The following MYO3B variants were observed in gnomAD, a reference collection of about 807,000 sequenced individuals.
MYO3B encodes myosin-IIIb.
Under a neutral mutation model 174.6 loss-of-function variants are expected in MYO3B, and 156 were observed. That is an observed-to-expected ratio of 0.89 (90% CI 0.78 to 1.02). MYO3B has a LOEUF of 1.02. MYO3B is among the 50% of genes least tolerant of loss of function. MYO3B has a pLI of 0.00. For synonymous variants in MYO3B, 563 were observed against 569.1 expected (o/e 0.99, Z 0.15); for missense variants, 1,632 against 1,639.4 (o/e 1.00, Z 0.08).
At chr2:170,400,372 C>A in intron 17 of MYO3B, 58 bp downstream of exon 17, 6 of 1,518,174 alleles carry the variant, frequency 4.0e-6, no homozygotes, top group Non-Finnish European at 5.4e-6. Context: ...TCTTTAGGCT[C>A]TGTAAAATAT....
chr2:170,597,434 A>G (rs1034072786), intron 32 of MYO3B, among the ~76,000 whole-genome samples: 1 of 151,760 alleles, frequency 6.6e-6, no homozygotes, highest in African/African-American at 2.4e-5. Flanking sequence ...TCTTCAGCCA[A>G]CCAAGCAAGG....
chr2:170,556,678 C>T (rs143840045), intron 32 of MYO3B, among the ~76,000 whole-genome samples: 131 of 152,270 alleles, frequency 8.6e-4, no homozygotes, highest in African/African-American at 3.1e-3. Context: ...TGTGTCACCA[C>T]GTCTGGCTAA....
chr2:170,251,983 C>G lies in MYO3B; in HGVS notation c.749+15847C>G, dbSNP rs2093258348. Among the ~76,000 whole-genome samples the G allele has an allele frequency of 2.0e-5, 3 of 152,294 alleles. No homozygotes were observed. The South Asian group carries it at 6.2e-4, about 32-fold the overall frequency. ...CATACATTCTTACTCCTAAGTTCAA[C>G]TTTGAGACCAGGAGAAGTAAATATG... On this transcript the variant is annotated intron_variant, in intron 7 of 34. Transcript: ENST00000408978.
At chr2:170,296,761 G>A (rs1185780240) in intron 7 of MYO3B, among the ~76,000 whole-genome samples, 4 of 152,180 alleles carry the variant, frequency 2.6e-5, no homozygotes, top group Non-Finnish European at 5.9e-5. Flanking sequence ...TGTAAAGGAA[G>A]CATAGCAGCT....
intron 32 of MYO3B, among the ~76,000 whole-genome samples, chr2:170,569,710 A>C (rs1221162170): frequency 6.6e-6 from 1 of 151,852 alleles, no homozygotes; most frequent in South Asian, 2.1e-4. Flanking sequence ...AAAAATAAAA[A>C]AATTAGCCAG....
chr2:170,549,888 A>G (rs532724339), intron 32 of MYO3B, among the ~76,000 whole-genome samples: 11 of 152,354 alleles, frequency 7.2e-5, no homozygotes, highest in African/African-American at 2.6e-4. Flanking sequence ...CTTGCCAGAC[A>G]GCAATGCTAT....
Position 170,318,597 on chromosome 2 carries a change from T to A in MYO3B, c.750-16788T>A, listed in dbSNP as rs570183539. On this transcript the variant is annotated intron_variant, in intron 7 of 34. Coordinates refer to ENST00000408978, the MANE Select transcript of MYO3B (RefSeq NM_138995.5). ...AGCGAAATTTCCTTGTCTTGAAGAT[T>A]TTGGCCAAACTTGGGGTCAAATAAG... 5.3e-5 allele frequency among the ~76,000 whole-genome samples: 8 copies of A among 152,258 alleles called. No individual in the cohort carries two copies. The South Asian group carries it at 1.7e-3, about 32-fold the overall frequency.
intron 18 of MYO3B, among the ~76,000 whole-genome samples, chr2:170,402,267 T>C (rs2094482493): frequency 6.6e-6 from 1 of 152,238 alleles, no homozygotes; most frequent in Non-Finnish European, 1.5e-5. Context: ...TAAATGGGTT[T>C]TAATCAGCTG....
chr2:170,644,941 G>A (rs1268357068), intron 32 of MYO3B, among the ~76,000 whole-genome samples: 1 of 152,166 alleles, frequency 6.6e-6, no homozygotes, highest in Non-Finnish European at 1.5e-5. Context: ...ATCAGAAGGT[G>A]CAGGGCAGGG....
intron 7 of MYO3B, among the ~76,000 whole-genome samples, chr2:170,291,625 T>G (rs1432186547): frequency 2.0e-5 from 3 of 152,186 alleles, no homozygotes; most frequent in Non-Finnish European, 4.4e-5. Context: ...TGGTGAATTC[T>G]CTCAGCTTTT....
At chr2:170,432,855 G>A (rs535221511) in intron 22 of MYO3B, among the ~76,000 whole-genome samples, 3 of 152,262 alleles carry the variant, frequency 2.0e-5, no homozygotes, top group East Asian at 3.9e-4. Context: ...GATTACAGGC[G>A]TGAGCCACCA....
intron 8 of MYO3B, among the ~76,000 whole-genome samples, chr2:170,336,570 G>T (rs976989193): frequency 6.6e-6 from 1 of 152,064 alleles, no homozygotes; most frequent in African/African-American, 2.4e-5. Context: ...CTGATTTGAT[G>T]GTAACATATG....
At chr2:170,207,211 T>C (rs188910080) in intron 3 of MYO3B, among the ~76,000 whole-genome samples, 293 of 152,208 alleles carry the variant, frequency 1.9e-3, no homozygotes, top group African/African-American at 6.9e-3. Flanking sequence ...CATTCTAATC[T>C]TGTCCTCTTA....
intron 7 of MYO3B, among the ~76,000 whole-genome samples, chr2:170,300,683 A>G (rs375930889): frequency 2.5e-4 from 38 of 152,334 alleles, no homozygotes; most frequent in African/African-American, 8.4e-4. Flanking sequence ...ACAGTATCCA[A>G]CTCAGAATTC....
chr2:170,355,376 T>G (rs1156682516), intron 8 of MYO3B, among the ~76,000 whole-genome samples: 1 of 152,224 alleles, frequency 6.6e-6, no homozygotes, highest in Non-Finnish European at 1.5e-5. Flanking sequence ...TAGTCAATTT[T>G]AGTCTTTACC....
At chr2:170,262,685 T>G (rs2093354352) in intron 7 of MYO3B, among the ~76,000 whole-genome samples, 1 of 152,148 alleles carries the variant, frequency 6.6e-6, no homozygotes, top group Admixed American at 6.5e-5. Flanking sequence ...ATGGACAATG[T>G]GTGGAAGCCA....
chr2:170,377,822 A>G (rs529895815), intron 9 of MYO3B, among the ~76,000 whole-genome samples: 4 of 152,384 alleles, frequency 2.6e-5, no homozygotes, highest in African/African-American at 9.6e-5. Context: ...GCCTTACCAC[A>G]TACTTTTGAT....
chr2:170,570,518 T>G (rs1175450802), intron 32 of MYO3B, among the ~76,000 whole-genome samples: 1 of 152,148 alleles, frequency 6.6e-6, no homozygotes, highest in African/African-American at 2.4e-5. Context: ...GCCAGAAAGT[T>G]TGGAGCCAAG....
At chr2:170,376,770 G>A (rs780306765) in intron 9 of MYO3B, among the ~76,000 whole-genome samples, 1 of 152,190 alleles carries the variant, frequency 6.6e-6, no homozygotes, top group Non-Finnish European at 1.5e-5. Flanking sequence ...CTTCACAATG[G>A]TGCTGACACA....
Sources: gnomAD v4.1 joint callset for allele counts (sites outside exome capture counted in the v4.1 genomes callset) on GRCh38, gnomAD v4.1.1 for gene constraint, MANE v1.5 for transcripts, NCBI Gene and HGNC (gene_info 2026-07-23, HGNC 2026-07-21) for gene names.